The following UTRN variants were observed in gnomAD, a reference collection of about 807,000 sequenced individuals.
UTRN encodes the protein utrophin, also known as dystrophin-related protein 1.
UTRN carries 283 observed loss-of-function variants against 463.9 expected under a neutral mutation model. That is an observed-to-expected ratio of 0.61 (90% CI 0.55 to 0.67). The LOEUF (loss-of-function observed/expected upper bound fraction) is 0.67, where lower values mean the gene tolerates loss of function less well. Ranked by LOEUF, UTRN falls within the 30% of genes least tolerant of loss-of-function variation. UTRN has a pLI of 0.00. For missense variants in UTRN, 3,922 were observed against 4,084.3 expected (o/e 0.96, Z 1.08); for synonymous variants, 1,442 against 1,431.5 (o/e 1.01, Z -0.17).
At chr6:144,827,759 C>A in intron 68 of UTRN, 83 bp downstream of exon 68, 1 of 1,450,606 alleles carries the variant, frequency 6.9e-7, no homozygotes, top group Non-Finnish European at 9.4e-7. Context: ...CATTAATATA[C>A]CTTGATTTAA....
intron 53 of UTRN, among the ~76,000 whole-genome samples, chr6:144,709,380 C>A (rs1001061133): frequency 3.9e-5 from 6 of 152,044 alleles, no homozygotes; most frequent in African/African-American, 7.2e-5. Flanking sequence ...TTTTTCTGAT[C>A]TCCTACTTTT....
intron 57 of UTRN, among the ~76,000 whole-genome samples, chr6:144,755,555 G>T (rs1791900778): frequency 6.6e-6 from 1 of 152,068 alleles, no homozygotes; most frequent in African/African-American, 2.4e-5. Context: ...TATTTCCTCT[G>T]ATTGTTTTGA....
chr6:144,846,408 A>G (rs1359142608), intron 73 of UTRN, among the ~76,000 whole-genome samples: 1 of 152,210 alleles, frequency 6.6e-6, no homozygotes, highest in African/African-American at 2.4e-5. Flanking sequence ...CAGAAACCAA[A>G]GACTTATGCC....
At chr6:144,329,440 A>C (rs540162326) in intron 2 of UTRN, among the ~76,000 whole-genome samples, 5 of 152,326 alleles carry the variant, frequency 3.3e-5, no homozygotes, top group Admixed American at 3.3e-4. Flanking sequence ...TACAGTTACC[A>C]AAATACTGAA....
chr6:144,483,328 A>C (rs1481129885), intron 27 of UTRN, among the ~76,000 whole-genome samples: 1 of 152,128 alleles, frequency 6.6e-6, no homozygotes, highest in African/African-American at 2.4e-5. Context: ...ATAAGAAAAG[A>C]GGTTGTGCTT....
intron 2 of UTRN, among the ~76,000 whole-genome samples, chr6:144,331,424 C>T (rs954787412): frequency 2.0e-5 from 3 of 152,004 alleles, no homozygotes; most frequent in African/African-American, 7.3e-5. Context: ...CATCACTTCT[C>T]CGTGATGGAA....
chr6:144,526,643 C>T (rs1376193725), intron 41 of UTRN, among the ~76,000 whole-genome samples: 5 of 151,062 alleles, frequency 3.3e-5, no homozygotes, highest in South Asian at 2.1e-4. Context: ...TCTTCTATTC[C>T]GTATCTTTTA....
At chr6:144,831,673 T>A (rs1414545811) in intron 69 of UTRN, among the ~76,000 whole-genome samples, 1 of 152,018 alleles carries the variant, frequency 6.6e-6, no homozygotes, top group Admixed American at 6.6e-5. Context: ...GAAGGAAAAA[T>A]TGAGCAGTGA....
intron 47 of UTRN, among the ~76,000 whole-genome samples, chr6:144,550,555 G>A (rs1798815333): frequency 1.3e-5 from 2 of 152,104 alleles, no homozygotes; most frequent in African/African-American, 4.8e-5. Flanking sequence ...TATGACATTA[G>A]TTTGTGTTCG....
intron 2 of UTRN, among the ~76,000 whole-genome samples, chr6:144,337,097 A>G (rs1776769476): frequency 6.6e-6 from 1 of 151,776 alleles, no homozygotes; most frequent in Non-Finnish European, 1.5e-5. Flanking sequence ...GCCAGTGAGA[A>G]ACCCTGCCAC....
intron 65 of UTRN, among the ~76,000 whole-genome samples, chr6:144,817,952 G>T (rs1276148340): frequency 1.3e-5 from 2 of 152,096 alleles, no homozygotes; most frequent in Admixed American, 6.6e-5. Flanking sequence ...GCAAGTAGTT[G>T]TTTGTTATTT....
intron 2 of UTRN, among the ~76,000 whole-genome samples, chr6:144,298,121 T>TC (rs58763008): frequency 1.3e-5 from 2 of 152,152 alleles, no homozygotes; most frequent in Non-Finnish European, 2.9e-5. Flanking sequence ...GATTTTTTTT[T>TC]CTCCCCTTAA....
Position 144,751,960 on chromosome 6 carries a change from C to T in UTRN, c.8355+8C>T, listed in dbSNP as rs1454074060. Reference sequence around the variant, plus strand: ...CGATGGAAACTTTTACAGGTATCAGCTTATTCCCCTTCATAATGCAGGCTT... The same window carrying T: ...CGATGGAAACTTTTACAGGTATCAGTTTATTCCCCTTCATAATGCAGGCTT... On this transcript the variant is annotated splice_region_variant and intron_variant, in intron 56 of 74. Coordinates refer to ENST00000367545, the MANE Select transcript of UTRN (RefSeq NM_007124.3). 1 of 1,599,106 alleles carries T rather than the reference C, an allele frequency of 6.3e-7. No individual in the cohort carries two copies. The highest frequency in any genetic ancestry group is 2.3e-5 in the East Asian group (1 of 44,246).
rs140254181 is a variant in UTRN at position 144,374,210 on chromosome 6, C to A, written c.80-28913C>A. ...TTGGTTGAATAATTTTAGTTTAGTT[C>A]ATGGAATAAGGTAAATATTTTACAT... On this transcript the variant is annotated intron_variant, in intron 2 of 74. Coordinates refer to ENST00000367545, the MANE Select transcript of UTRN (RefSeq NM_007124.3). Among the ~76,000 whole-genome samples, 369 of 152,158 alleles carry A rather than the reference C, an allele frequency of 2.4e-3. 1 individual carries two copies. The highest frequency in any genetic ancestry group is 8.7e-3 in the African/African-American group (360 of 41,494).
chr6:144,392,897 A>C (rs540555529), intron 2 of UTRN, among the ~76,000 whole-genome samples: 1 of 152,332 alleles, frequency 6.6e-6, no homozygotes, highest in Non-Finnish European at 1.5e-5. Flanking sequence ...GAGGCATCAA[A>C]CAAGAGGACA....
rs887307409 is a variant in UTRN at position 144,344,110 on chromosome 6, A to C, written c.79+52203A>C. On this transcript the variant is annotated intron_variant, in intron 2 of 74. Transcript: ENST00000367545. ...GCCACCAAAAAAAAAAAAAAAAAAAACCCAAAATAACACAGGACATCCCAG... is the reference window on the plus strand; with the variant it reads ...GCCACCAAAAAAAAAAAAAAAAAAACCCCAAAATAACACAGGACATCCCAG... The C allele has an allele frequency of 2.3e-3, 2,602 of 1,128,002 alleles. 1 individual carries two copies. Among genetic ancestry groups the C allele is most frequent in the Non-Finnish European group, 2.7e-3 (2,441 of 902,226 alleles). The allele number at this position is 1,128,002 out of a possible 1,614,324, so 69.9% of individuals were successfully genotyped here.
chr6:144,392,356 G>A (rs1341247718), intron 2 of UTRN, among the ~76,000 whole-genome samples: 2 of 152,130 alleles, frequency 1.3e-5, no homozygotes, highest in African/African-American at 2.4e-5. Context: ...GCTGAACATA[G>A]GACCTTTAGG....
chr6:144,511,727 G>A (rs1466699044), intron 35 of UTRN, among the ~76,000 whole-genome samples: 2 of 152,044 alleles, frequency 1.3e-5, no homozygotes, highest in East Asian at 1.9e-4. Flanking sequence ...ATTAAATATT[G>A]TATATGTGTT....
chr6:144,835,785 A>T lies in UTRN; in HGVS notation c.9671A>T (p.Asp3224Val), dbSNP rs1562966489. ...TGTTTCCTTTGTCTTGCTAGGGAAG[A>T]CGAGCACGCCCTCATCCAGCAGTAT... ...DSSSTTGSVE[D>V]EHALIQQYCQ... The change falls in exon 70 of 75, where the codon GAC becomes GTC. Residue 3224 changes from aspartate to valine, a missense_variant. Coordinates refer to ENST00000367545, the MANE Select transcript of UTRN (RefSeq NM_007124.3). The T allele has an allele frequency of 1.9e-6, 3 of 1,613,996 alleles. No individual in the cohort carries two copies. The East Asian group carries it at 6.7e-5, about 36-fold the overall frequency.
Sources: allele counts gnomAD v4.1 joint callset (sites outside exome capture counted in the v4.1 genomes callset), GRCh38; gene constraint gnomAD v4.1.1; transcripts MANE v1.5; gene names NCBI Gene and HGNC (gene_info 2026-07-23, HGNC 2026-07-21).